The following CSMD1 variants were observed in gnomAD, a reference collection of about 807,000 sequenced individuals.
The protein encoded by CSMD1 is CUB and sushi domain-containing protein 1.
CSMD1 carries 213 observed loss-of-function variants against 417.5 expected under a neutral mutation model. The observed-to-expected ratio is 0.51, with a 90% confidence interval of 0.46 to 0.57. The LOEUF (loss-of-function observed/expected upper bound fraction) is 0.57, where lower values mean the gene tolerates loss of function less well. Ranked by LOEUF, CSMD1 falls within the 20% of genes least tolerant of loss-of-function variation. The probability of loss-of-function intolerance (pLI) is 0.00; values close to 1 mark genes in which losing one functional copy is unlikely to be tolerated. For synonymous variants in CSMD1, 2,862 were observed against 1,736.8 expected (o/e 1.65, Z -16.11); for missense variants, 6,923 against 4,529.7 (o/e 1.53, Z -15.17).
chr8:2,998,404 A>G (rs772416349), intron 53 of CSMD1, among the ~76,000 whole-genome samples: 1 of 152,202 alleles, frequency 6.6e-6, no homozygotes, highest in Admixed American at 6.5e-5. Flanking sequence ...GGAAAATAAC[A>G]AACACCTGCC....
chr8:4,447,856 G>C (rs76610060), intron 2 of CSMD1, among the ~76,000 whole-genome samples: 43 of 152,268 alleles, frequency 2.8e-4, no homozygotes, highest in Middle Eastern at 3.4e-3. Flanking sequence ...TTAAAAAAGT[G>C]TAAGTAGAGG....
chr8:4,901,222 A>G (rs938087543), intron 1 of CSMD1, among the ~76,000 whole-genome samples: 1 of 152,232 alleles, frequency 6.6e-6, no homozygotes, highest in African/African-American at 2.4e-5. Context: ...AAACAACTAT[A>G]TTTCAGACGC....
chr8:4,253,907 CTTTTTTTT>C (rs147795407), intron 3 of CSMD1, among the ~76,000 whole-genome samples: 43 of 80,970 alleles, frequency 5.3e-4, no homozygotes, highest in Admixed American at 1.7e-3. Flanking sequence ...TTCCTTCCAT[CTTTTTTTT>C]TTTTTTTTTT....
chr8:3,279,966 G>A (rs1584919912), intron 26 of CSMD1, among the ~76,000 whole-genome samples: 1 of 152,154 alleles, frequency 6.6e-6, no homozygotes, highest in Non-Finnish European at 1.5e-5. Flanking sequence ...GAACCTAACC[G>A]TATCAGGAAG....
At chr8:4,236,660 T>C (rs73186165) in intron 3 of CSMD1, among the ~76,000 whole-genome samples, 6,278 of 152,284 alleles carry the variant, frequency 0.041, 149 homozygotes, top group East Asian at 0.089. Context: ...AAATAATGAA[T>C]TGCATGCTTA....
At chr8:4,914,586 A>C (rs1419951963) in intron 1 of CSMD1, among the ~76,000 whole-genome samples, 1 of 4,728 alleles carries the variant, frequency 2.1e-4, no homozygotes, top group East Asian at 2.0e-3. Context: ...CCAAAAAGAA[A>C]AAAAAAAAAA....
chr8:4,840,988 G>A (rs1800807303), intron 1 of CSMD1, among the ~76,000 whole-genome samples: 1 of 152,196 alleles, frequency 6.6e-6, no homozygotes, highest in Non-Finnish European at 1.5e-5. Context: ...TAAGGAGCAT[G>A]TCCTCTTAAC....
At chr8:3,127,519 G>A (rs1011790930) in intron 41 of CSMD1, 1 of 152,040 alleles carries the variant, frequency 6.6e-6, no homozygotes, top group Non-Finnish European at 1.5e-5. Flanking sequence ...CTTCTAAAGG[G>A]GAAAAATTGG....
At chr8:4,470,988 G>A (rs773703481) in intron 2 of CSMD1, among the ~76,000 whole-genome samples, 10 of 152,082 alleles carry the variant, frequency 6.6e-5, no homozygotes, top group East Asian at 1.9e-4. Context: ...ATATATTTGA[G>A]CATTACATAC....
At chr8:3,386,687 G>C (rs1388583883) in intron 18 of CSMD1, among the ~76,000 whole-genome samples, 1 of 152,148 alleles carries the variant, frequency 6.6e-6, no homozygotes, top group East Asian at 1.9e-4. Flanking sequence ...TTTTTCCATA[G>C]AAACAATGTG....
At position 4,379,936 on chromosome 8, in the gene CSMD1, C is replaced by G. The variant is rs992382159; in HGVS notation, c.415+40017G>C. The stretch of plus-strand genomic sequence containing the variant: ...GAACTCCATGAGCGCGGCCAGCATA[C>G]ACTCTGGAGATGGAAGAGTCGCCAC... On this transcript the variant is annotated intron_variant, in intron 3 of 69. Coordinates refer to ENST00000635120, the MANE Select transcript of CSMD1 (RefSeq NM_033225.6). Among the ~76,000 whole-genome samples, 4 of 152,320 alleles carry G rather than the reference C, an allele frequency of 2.6e-5. No homozygotes were observed. The South Asian group carries it at 6.2e-4, about 24-fold the overall frequency.
At chr8:4,228,409 T>C (rs1801497364) in intron 3 of CSMD1, among the ~76,000 whole-genome samples, 1 of 152,080 alleles carries the variant, frequency 6.6e-6, no homozygotes, top group Non-Finnish European at 1.5e-5. Context: ...CCCCATATTT[T>C]GCTGAATTTA....
At chr8:3,996,944 G>A (rs866853966) in intron 5 of CSMD1, among the ~76,000 whole-genome samples, 7 of 152,108 alleles carry the variant, frequency 4.6e-5, no homozygotes, top group Admixed American at 6.6e-5. Context: ...TTGTCTGGTA[G>A]CCTTCATACT....
intron 5 of CSMD1, among the ~76,000 whole-genome samples, chr8:3,902,213 T>C (rs1258405665): frequency 2.6e-5 from 4 of 152,212 alleles, no homozygotes; most frequent in African/African-American, 9.6e-5. Flanking sequence ...CAGCATTTTC[T>C]ATGATTTTCA....
intron 31 of CSMD1, among the ~76,000 whole-genome samples, chr8:3,204,872 T>C (rs1241027628): frequency 1.3e-5 from 2 of 152,126 alleles, no homozygotes; most frequent in Non-Finnish European, 2.9e-5. Context: ...CCAAGATAAA[T>C]TGTCCTGGTC....
At chr8:3,919,963 T>G (rs932626106) in intron 5 of CSMD1, among the ~76,000 whole-genome samples, 9 of 152,120 alleles carry the variant, frequency 5.9e-5, no homozygotes, top group African/African-American at 2.2e-4. Flanking sequence ...AGTCTTGTAT[T>G]TTTAGTGTGT....
chr8:3,311,896 G>C (rs1025485925), intron 23 of CSMD1, among the ~76,000 whole-genome samples: 1 of 152,168 alleles, frequency 6.6e-6, no homozygotes, highest in Non-Finnish European at 1.5e-5. Flanking sequence ...GTAGTTTATA[G>C]CTATTAATGC....
At chr8:3,761,825 A>C (rs1413219998) in intron 5 of CSMD1, among the ~76,000 whole-genome samples, 1 of 152,048 alleles carries the variant, frequency 6.6e-6, no homozygotes, top group Non-Finnish European at 1.5e-5. Context: ...ACTTTCTACA[A>C]GTCATTTCTT....
intron 2 of CSMD1, among the ~76,000 whole-genome samples, chr8:4,455,297 G>C (rs1308790606): frequency 2.0e-5 from 3 of 152,144 alleles, no homozygotes; most frequent in Non-Finnish European, 4.4e-5. Flanking sequence ...ATGGATTCTT[G>C]CATCCATTAG....
Sources: allele counts gnomAD v4.1 joint callset (sites outside exome capture counted in the v4.1 genomes callset), GRCh38; gene constraint gnomAD v4.1.1; transcripts MANE v1.5; gene names NCBI Gene and HGNC (gene_info 2026-07-23, HGNC 2026-07-21).